Variants in SPATA20 observed in about 807,000 individuals in gnomAD.
SPATA20 encodes the protein spermatogenesis associated 20.
In SPATA20, 74 loss-of-function variants were observed where a neutral mutation model predicts 98.9. The ratio of observed to expected loss-of-function variants is 0.75; its 90% CI spans 0.62 to 0.91. The LOEUF (loss-of-function observed/expected upper bound fraction) is 0.91, where lower values mean the gene tolerates loss of function less well. Ranked by LOEUF, SPATA20 falls within the 40% of genes least tolerant of loss-of-function variation. SPATA20 has a pLI of 0.00. For missense variants in SPATA20, 1,016 were observed against 1,069.8 expected (o/e 0.95, Z 0.70); for synonymous variants, 430 against 440.5 (o/e 0.98, Z 0.30).
At chr17:50,555,139 G>T in intron 15 of SPATA20, 93 bp from the exon 16 acceptor site, 4 of 969,004 alleles carry the variant, frequency 4.1e-6, no homozygotes, top group Non-Finnish European at 4.9e-6. Flanking sequence ...AGAGATATAC[G>T]GTGGGGCGGA....
intron 14 of SPATA20, 65 bp from the exon 15 acceptor site, chr17:50,554,185 TG>T: frequency 2.0e-6 from 3 of 1,474,936 alleles, no homozygotes; most frequent in Non-Finnish European, 2.8e-6. Flanking sequence ...GATACAGTCC[TG>T]GGCAGGGTCC....
rs752112420 is a variant in SPATA20, at chr17:50,548,612, C to A, written c.355C>A (p.Leu119Ile). 1.2e-6 allele frequency: 2 copies of A among 1,613,134 alleles called. No individual in the cohort carries two copies. The highest frequency in any genetic ancestry group is 1.7e-6 in the Non-Finnish European group (2 of 1,179,790). ...KARKENKPIF[L>I]SVGYSTCHWC... ...CAGGAAGGAAAACAAGCCGATTTTC[C>A]TCTCAGGTAATGCTCCCACCTTCCC... Residue 119 changes from leucine (L) to isoleucine (I), a missense_variant, in exon 4 of 17, where the codon CTC becomes ATC. Leu to Ile is a conservative substitution (Grantham distance 5, BLOSUM62 2). Transcript: ENST00000006658.
In SPATA20 at chr17:50,549,349, C is replaced by G. The variant is rs746339060; in HGVS notation, c.724C>G (p.Arg242Gly). ...SQRVTTALLA[R>G]SEISVGDRQL... ...GCGTGTCACCACTGCCCTGCTGGCC[C>G]GATCAGAGATCAGCGTGGGTGACCG... The change falls in exon 7 of 17, where the codon CGA (arginine) becomes GGA (glycine). Residue 242 changes from arginine (R) to glycine (G), a missense_variant. By Grantham distance (125) the Arg-to-Gly change is moderately radical. Transcript: ENST00000006658. 3 of 1,612,496 alleles carry G rather than the reference C, an allele frequency of 1.9e-6. No individual in the cohort carries two copies. Among genetic ancestry groups the G allele is most frequent in the South Asian group, 2.2e-5 (2 of 91,074 alleles).
intron 1 of SPATA20, 130 bp downstream of exon 1, chr17:50,547,415 C>A: frequency 1.3e-6 from 1 of 773,276 alleles, no homozygotes. Flanking sequence ...TCCCCCACCC[C>A]ACCTCCGGTC....
rs1449111430 is a variant in SPATA20 at position 50,555,693 on chromosome 17, G to A, written c.*31G>A. 1.0e-5 allele frequency: 16 copies of A among 1,592,304 alleles called. No homozygotes were observed. In the Admixed American group the frequency reaches 2.4e-4, roughly 24 times the overall value. On this transcript the variant is annotated 3_prime_UTR_variant, in exon 17 of 17. Coordinates refer to ENST00000006658, the MANE Select transcript of SPATA20 (RefSeq NM_022827.4). Reference sequence around the variant, plus strand: ...CCAACCCCCTTGGGGTGGGGCAGAAGGTGAAGCATCCCAACTGACTAGAGA... The same window carrying A: ...CCAACCCCCTTGGGGTGGGGCAGAAAGTGAAGCATCCCAACTGACTAGAGA...
intron 14 of SPATA20, among the ~76,000 whole-genome samples, chr17:50,553,493 G>A (rs139774422): frequency 1.3e-5 from 2 of 152,272 alleles, no homozygotes; most frequent in African/African-American, 2.4e-5. Context: ...TGGAGGACAG[G>A]CAGGGCCCGC....
Position 50,552,231 on chromosome 17 carries a change from C to T in SPATA20, c.1957+51C>T, listed in dbSNP as rs571026395. 20 of 1,526,860 alleles carry T rather than the reference C, an allele frequency of 1.3e-5. No homozygotes were observed. In the African/African-American group the frequency reaches 1.8e-4, roughly 14 times the overall value. The allele number at this position is 1,526,860 out of a possible 1,614,324, so 94.6% of individuals were successfully genotyped here. A position where few individuals can be genotyped will look rare whatever the true frequency, so the allele number is the denominator to read the frequency against. ...GGGGTCCTGGGAGGTGTAAGTGCAG[C>T]GTGGGTGAAGAGCTGGTGTGGGCAG... On this transcript the variant is annotated intron_variant, in intron 14 of 16. Transcript: ENST00000006658.
chr17:50,554,695 T>C (rs1312316477), intron 15 of SPATA20, among the ~76,000 whole-genome samples: 2 of 152,154 alleles, frequency 1.3e-5, no homozygotes, highest in Admixed American at 6.5e-5. Context: ...GTTACTGGTG[T>C]GTGTGTACTT....
At chr17:50,551,405 G>A in intron 12 of SPATA20, 106 bp from the exon 13 acceptor site, 1 of 1,358,420 alleles carries the variant, frequency 7.4e-7, no homozygotes, top group Non-Finnish European at 1.0e-6. Context: ...AGATCTTAGG[G>A]ATCACCCATG....
At chr17:50,547,899 C>G in intron 2 of SPATA20, 132 bp downstream of exon 2, 13 of 1,384,158 alleles carry the variant, frequency 9.4e-6, no homozygotes, top group Non-Finnish European at 1.3e-5. Context: ...GGGCCACACC[C>G]AGGCCTGCCA....
intron 13 of SPATA20, 47 bp from the exon 14 acceptor site, chr17:50,551,922 C>G (rs2035022302): frequency 6.7e-7 from 1 of 1,500,960 alleles, no homozygotes; most frequent in Non-Finnish European, 9.0e-7. Context: ...GAAAGGCCCT[C>G]TCTCCTGGGG....
intron 14 of SPATA20, 69 bp downstream of exon 14, chr17:50,552,249 G>A (rs1597872289): frequency 1.5e-6 from 2 of 1,364,336 alleles, no homozygotes; most frequent in Admixed American, 2.0e-5. Context: ...AAGAGCTGGT[G>A]TGGGCAGGAG....
intron 12 of SPATA20, 71 bp downstream of exon 12, chr17:50,551,261 GC>G: frequency 7.2e-7 from 1 of 1,385,828 alleles, no homozygotes. Flanking sequence ...CTTTCCGGCA[GC>G]GGCTAAATGC....
At chr17:50,549,524 C>T (rs538974096) in intron 7 of SPATA20, 37 bp downstream of exon 7, 2 of 1,583,078 alleles carry the variant, frequency 1.3e-6, no homozygotes, top group South Asian at 1.1e-5. Flanking sequence ...CAGGCTTTGG[C>T]CTTCTGATTC....
rs940299794 is a variant in SPATA20, at chr17:50,548,536, C to T, written c.297-18C>T. On this transcript the variant is annotated intron_variant, in intron 3 of 16. Transcript: ENST00000006658. ...ACCCCCTGGGCTACTGAGTGATGCC[C>T]CACCCTGCTGGGTCTAGGTACCCCT... 1 of 1,613,386 alleles carries T rather than the reference C, an allele frequency of 6.2e-7. No individual in the cohort carries two copies. The highest frequency in any genetic ancestry group is 8.5e-7 in the Non-Finnish European group (1 of 1,179,748).
At chr17:50,548,707 G>A (rs2034956791) in intron 4 of SPATA20, 89 bp downstream of exon 4, 2 of 1,586,760 alleles carry the variant, frequency 1.3e-6, no homozygotes, top group Non-Finnish European at 1.7e-6. Flanking sequence ...GGGTCTTCCA[G>A]GAGACTAGAG....
rs1237435724 is a variant in SPATA20 at position 50,550,315 on chromosome 17, G to A, written c.1098+3G>A. On this transcript the variant is annotated splice_donor_region_variant and intron_variant, in intron 9 of 16. Transcript: ENST00000006658. ...TGGCCTATTCGCAGGCCTTCCAGGT[G>A]ACCCCTGACCCCAGCCCAGAGAACA... 1.3e-6 allele frequency: 2 copies of A among 1,569,826 alleles called. No individual in the cohort carries two copies. The highest frequency in any genetic ancestry group is 1.3e-5 in the African/African-American group (1 of 74,140).
In SPATA20 at chr17:50,548,791, T is replaced by C; in HGVS notation, c.362-19T>C. 6.2e-7 allele frequency: 1 copy of C among 1,605,230 alleles called. No homozygotes were observed. Among genetic ancestry groups the C allele is most frequent in the Non-Finnish European group, 8.5e-7 (1 of 1,174,972 alleles). On this transcript the variant is annotated intron_variant, in intron 4 of 16. Transcript: ENST00000006658. ...GACCCGTTGCTGGCCCCCTGACCTC[T>C]CCCCATGGCCCTGTTCAGTCGGGTA...
chr17:50,548,759 TC>T lies in SPATA20; in HGVS notation c.362-48del, dbSNP rs756509951. 2.5e-6 allele frequency: 4 copies of T among 1,596,770 alleles called. No homozygotes were observed. The African/African-American group carries it at 5.4e-5, about 21-fold the overall frequency. Reference sequence around the variant, plus strand: ...TGTAGCCAGGGCCACTTGGCCAGCCTCCCTCTGACCCGTTGCTGGCCCCCTG... The same window carrying T: ...TGTAGCCAGGGCCACTTGGCCAGCCTCCTCTGACCCGTTGCTGGCCCCCTG... On this transcript the variant is annotated intron_variant, in intron 4 of 16. Coordinates refer to ENST00000006658, the MANE Select transcript of SPATA20 (RefSeq NM_022827.4).
Sources: gnomAD v4.1 joint callset for allele counts (sites outside exome capture counted in the v4.1 genomes callset) on GRCh38, gnomAD v4.1.1 for gene constraint, MANE v1.5 for transcripts, NCBI Gene and HGNC (gene_info 2026-07-23, HGNC 2026-07-21) for gene names.